DAD1: variants seen among roughly 807,000 people sequenced by gnomAD.
DAD1 encodes the protein dolichyl-diphosphooligosaccharide--protein glycosyltransferase subunit DAD1.
A neutral mutation model predicts 9.0 loss-of-function variants in DAD1; 4 were observed. That is an observed-to-expected ratio of 0.44 (90% confidence interval 0.22 to 1.01). The LOEUF (loss-of-function observed/expected upper bound fraction) is 1.01. Ranked by LOEUF, DAD1 falls within the 50% of genes least tolerant of loss-of-function variation. DAD1 has a pLI of 0.24. For synonymous variants in DAD1, 60 were observed against 62.5 expected (o/e 0.96, Z 0.19); for missense variants, 119 against 137.3 (o/e 0.87, Z 0.67).
At chr14:22,580,989 T>C (rs1270523229) in intron 1 of DAD1, among the ~76,000 whole-genome samples, 1 of 152,184 alleles carries the variant, frequency 6.6e-6, no homozygotes, top group Non-Finnish European at 1.5e-5. Context: ...TCCTTCAGTC[T>C]CTCCCTGGGC....
At chr14:22,570,634 C>CT (rs2037032337) in intron 2 of DAD1, among the ~76,000 whole-genome samples, 1 of 152,192 alleles carries the variant, frequency 6.6e-6, no homozygotes, top group Admixed American at 6.5e-5. Context: ...GATTACTATA[C>CT]TTTAACTGAA....
At position 22,575,201 on chromosome 14, in the gene DAD1, T is replaced by C; in HGVS notation, c.244A>G (p.Lys82Glu). ...GGGGAGATGCCTTGGAAATCCGCTT[T>C]GTTCTGTGGGTTGATCTGTATTCTC... ...CLRIQINPQN[K>E]ADFQGISPER... is the part of the protein sequence containing the mutation. Residue 82 changes from lysine to glutamate, a missense_variant, in exon 2 of 3, where the codon AAA (lysine) becomes GAA (glutamate). Lys to Glu is a moderately conservative substitution (Grantham distance 56). Coordinates refer to ENST00000250498, the MANE Select transcript of DAD1 (RefSeq NM_001344.4). The C allele has an allele frequency of 1.2e-6, 2 of 1,614,204 alleles. No homozygotes were observed. Among genetic ancestry groups the C allele is most frequent in the Non-Finnish European group, 1.7e-6 (2 of 1,180,032 alleles).
At chr14:22,585,466 A>G (rs1013935402) in intron 1 of DAD1, among the ~76,000 whole-genome samples, 7 of 152,248 alleles carry the variant, frequency 4.6e-5, no homozygotes, top group Non-Finnish European at 8.8e-5. Flanking sequence ...AGAGATATCT[A>G]ACTACAAGAT....
At chr14:22,565,785 A>G (rs1566368716) in intron 2 of DAD1, among the ~76,000 whole-genome samples, 1 of 152,200 alleles carries the variant, frequency 6.6e-6, no homozygotes, top group Non-Finnish European at 1.5e-5. Context: ...CACAAGATAC[A>G]GGCTTCCTTT....
intron 1 of DAD1, among the ~76,000 whole-genome samples, chr14:22,579,102 G>A (rs755947520): frequency 6.6e-6 from 1 of 151,706 alleles, no homozygotes; most frequent in Admixed American, 6.6e-5. Context: ...CTTTGATCTC[G>A]AAGTTCTAGC....
At chr14:22,565,701 G>T (rs149647527) in intron 2 of DAD1, among the ~76,000 whole-genome samples, 2 of 152,252 alleles carry the variant, frequency 1.3e-5, no homozygotes, top group African/African-American at 4.8e-5. Flanking sequence ...AAGAGTAACC[G>T]CAACAGAAGT....
rs553176098 is a variant in DAD1, at chr14:22,573,709, CAAAAAAAAAAA to C, written c.*44+1339_*44+1349del. On this transcript the variant is annotated intron_variant, in intron 2 of 2. Coordinates refer to ENST00000250498, the MANE Select transcript of DAD1 (RefSeq NM_001344.4). ...TGGGTAACAGAGCGAGACTCCATCT[CAAAAAAAAAAA>C]AAAAAAAACAGAAAAGAAAAAAAAA... Among the ~76,000 whole-genome samples, 3 of 44,520 alleles carry C rather than the reference CAAAAAAAAAAA, an allele frequency of 6.7e-5. No homozygotes were observed. The South Asian group carries it at 2.2e-3, about 33-fold the overall frequency. 29.2% of individuals were successfully genotyped at this position (44,520 alleles called of 152,430 possible).
At chr14:22,577,826 G>A (rs575270289) in intron 1 of DAD1, among the ~76,000 whole-genome samples, 1 of 151,776 alleles carries the variant, frequency 6.6e-6, no homozygotes, top group Non-Finnish European at 1.5e-5. Flanking sequence ...TTCAGTTGCG[G>A]AAGACAAAAA....
In DAD1 at chr14:22,565,248, G is replaced by C. The variant is rs2036995120; in HGVS notation, c.*45-111C>G. 12 of 605,470 alleles carry C rather than the reference G, an allele frequency of 2.0e-5. No individual in the cohort carries two copies. In the South Asian group the frequency reaches 2.3e-4, roughly 12 times the overall value. The allele number at this position is 605,470 out of a possible 1,614,324, so 37.5% of individuals were successfully genotyped here. A position where few individuals can be genotyped will look rare whatever the true frequency, so the allele number is the denominator to read the frequency against. On this transcript the variant is annotated intron_variant, in intron 2 of 2. Transcript: ENST00000250498. The stretch of plus-strand genomic sequence containing the variant: ...GACAGTTATGGGGTTCCCACACTCA[G>C]GACAATATTTAAACCAGGCGAGAAA...
intron 2 of DAD1, among the ~76,000 whole-genome samples, chr14:22,568,403 T>C (rs1333012418): frequency 6.6e-6 from 1 of 152,266 alleles, no homozygotes; most frequent in Admixed American, 6.5e-5. Context: ...CATTTAACTT[T>C]CTGCCTCCTA....
At chr14:22,577,232 G>A (rs188913437) in intron 1 of DAD1, among the ~76,000 whole-genome samples, 6 of 152,184 alleles carry the variant, frequency 3.9e-5, no homozygotes, top group Admixed American at 1.3e-4. Flanking sequence ...TCAGGAGTTC[G>A]AGACCAGCCT....
intron 2 of DAD1, among the ~76,000 whole-genome samples, chr14:22,569,152 T>G (rs903214599): frequency 6.6e-6 from 1 of 152,250 alleles, no homozygotes; most frequent in Non-Finnish European, 1.5e-5. Flanking sequence ...AGTGTTTATT[T>G]GGCCGGGCAC....
At chr14:22,573,613 G>A (rs950053997) in intron 2 of DAD1, among the ~76,000 whole-genome samples, 1 of 150,892 alleles carries the variant, frequency 6.6e-6, no homozygotes, top group African/African-American at 2.4e-5. Context: ...GGGAGGCTGA[G>A]GCAGGAGAAT....
chr14:22,577,890 T>C (rs772505726), intron 1 of DAD1, among the ~76,000 whole-genome samples: 1 of 152,228 alleles, frequency 6.6e-6, no homozygotes, highest in African/African-American at 2.4e-5. Context: ...ATGTACTTAA[T>C]GCCACAGAAC....
intron 2 of DAD1, among the ~76,000 whole-genome samples, chr14:22,567,634 T>C (rs897370627): frequency 7.9e-5 from 12 of 152,238 alleles, no homozygotes; most frequent in African/African-American, 2.9e-4. Context: ...TAGTCAAAGT[T>C]AAATTAAAAA....
intron 1 of DAD1, among the ~76,000 whole-genome samples, chr14:22,585,212 A>G (rs1326698020): frequency 6.6e-6 from 1 of 152,278 alleles, no homozygotes; most frequent in Non-Finnish European, 1.5e-5. Context: ...TAGGAAAAAC[A>G]AAACTATTTT....
rs1488581203 is a variant in DAD1, at chr14:22,565,036, A to C, written c.*146T>G. On this transcript the variant is annotated 3_prime_UTR_variant, in exon 3 of 3. Coordinates refer to ENST00000250498, the MANE Select transcript of DAD1 (RefSeq NM_001344.4). ...AGTGAACTCTGGGCTTTTCTCCTGC[A>C]TAAAAAGCAGAGCTAGCAGTAAGTG... 7.2e-6 allele frequency: 5 copies of C among 692,442 alleles called. No homozygotes were observed. The highest frequency in any genetic ancestry group is 1.3e-5 in the Non-Finnish European group (5 of 380,984). 42.9% of individuals were successfully genotyped at this position (692,442 alleles called of 1,614,324 possible).
At chr14:22,573,670 ACTGCACTCCAGC>A (rs145718063) in intron 2 of DAD1, among the ~76,000 whole-genome samples, 13,214 of 142,866 alleles carry the variant, frequency 0.092, 1,111 homozygotes, top group African/African-American at 0.23. Context: ...AGATCGCACC[ACTGCACTCCAGC>A]CTGGGTAACA....
rs1372194670 is a variant in DAD1, at chr14:22,567,716, G to C, written c.*45-2579C>G. Among the ~76,000 whole-genome samples the C allele has an allele frequency of 3.9e-5, 6 of 152,166 alleles. No homozygotes were observed. The East Asian group carries it at 1.2e-3, about 29-fold the overall frequency. On this transcript the variant is annotated intron_variant, in intron 2 of 2. Transcript: ENST00000250498. ...CATGTGGCTAGTGGTTACCATAATGGGCGGTGCAGACCCTGAATGTTTCCC... is the reference window on the plus strand; with the variant it reads ...CATGTGGCTAGTGGTTACCATAATGCGCGGTGCAGACCCTGAATGTTTCCC...
Sources: allele counts gnomAD v4.1 joint callset (sites outside exome capture counted in the v4.1 genomes callset), GRCh38; gene constraint gnomAD v4.1.1; transcripts MANE v1.5; gene names NCBI Gene and HGNC (gene_info 2026-07-23, HGNC 2026-07-21).